SUPT3H: variants seen among roughly 807,000 people sequenced by gnomAD.
SUPT3H encodes the protein SPT3 homolog, SAGA and STAGA complex component.
A neutral mutation model predicts 44.3 loss-of-function variants in SUPT3H; 44 were observed. The observed-to-expected ratio is 0.99, with a 90% CI of 0.78 to 1.28. The LOEUF is 1.28. Among genes scored for constraint, SUPT3H ranks in the 50% most tolerant of loss-of-function variants. The pLI, the probability that SUPT3H is intolerant of heterozygous loss-of-function variation, is 0.00. For missense variants in SUPT3H, 380 were observed against 387.1 expected, an observed-to-expected ratio of 0.98 and a Z score of 0.15; for synonymous variants, 124 against 125.6, an observed-to-expected ratio of 0.99 and a Z score of 0.09.
At chr6:45,009,294 T>C (rs543877238) in intron 5 of SUPT3H, among the ~76,000 whole-genome samples, 8 of 152,326 alleles carry the variant, frequency 5.3e-5, no homozygotes, top group Non-Finnish European at 1.5e-5. Context: ...TTATTAGTCA[T>C]TGTTTTGACT....
intron 2 of SUPT3H, among the ~76,000 whole-genome samples, chr6:45,301,788 G>C (rs977934088): frequency 6.6e-6 from 1 of 152,158 alleles, no homozygotes; most frequent in African/African-American, 2.4e-5. Context: ...GAATTAAGCT[G>C]TACTTTGTTT....
rs1481259660 is a variant in SUPT3H, at chr6:45,258,702, TATGGAAAACTAAGCCTTCACTATAGGAGC to T, written c.101+106470_101+106498del. On this transcript the variant is annotated intron_variant, in intron 2 of 10. Coordinates refer to ENST00000371459, the MANE Select transcript of SUPT3H (RefSeq NM_003599.4). ...AATTTGCACTAGGTTGAAATCTGTC[TATGGAAAACTAAGCCTTCACTATAGGAGC>T]AAAGCATTAAGTAAAAAAATTTATT... Among the ~76,000 whole-genome samples the T allele has an allele frequency of 2.0e-5, 3 of 152,288 alleles. No individual in the cohort carries two copies. In the East Asian group the frequency reaches 5.8e-4, roughly 29 times the overall value.
intron 10 of SUPT3H, among the ~76,000 whole-genome samples, chr6:44,895,772 C>T (rs1300621868): frequency 2.6e-5 from 4 of 151,754 alleles, no homozygotes; most frequent in Admixed American, 6.6e-5. Context: ...AACAAAGAGC[C>T]GATTTCAAAA....
intron 10 of SUPT3H, among the ~76,000 whole-genome samples, chr6:44,859,417 AAAT>A (rs771948845): frequency 2.6e-5 from 4 of 152,204 alleles, no homozygotes; most frequent in Non-Finnish European, 5.9e-5. Flanking sequence ...TATTTAGAGT[AAAT>A]AATGTCTAAG....
At chr6:45,249,451 CAAA>C (rs563551913) in intron 2 of SUPT3H, among the ~76,000 whole-genome samples, 1 of 136,384 alleles carries the variant, frequency 7.3e-6, no homozygotes, top group Admixed American at 7.3e-5. Context: ...AACAGACACA[CAAA>C]AAAAAAAAGG....
chr6:44,867,077 T>C (rs767504905), intron 10 of SUPT3H, among the ~76,000 whole-genome samples: 6 of 152,196 alleles, frequency 3.9e-5, no homozygotes, highest in Admixed American at 6.5e-5. Context: ...ACAGCCACTA[T>C]GATTACTGAA....
chr6:44,958,876 T>G (rs1425275475), intron 7 of SUPT3H, among the ~76,000 whole-genome samples: 1 of 142,100 alleles, frequency 7.0e-6, no homozygotes, highest in African/African-American at 2.7e-5. Context: ...TCAATGGTTT[T>G]TTTTTTTTTT....
At chr6:44,941,344 A>C (rs1234562080) in intron 9 of SUPT3H, among the ~76,000 whole-genome samples, 1 of 152,082 alleles carries the variant, frequency 6.6e-6, no homozygotes, top group Non-Finnish European at 1.5e-5. Flanking sequence ...GAAGTCCCTC[A>C]GTGTTTGCTT....
chr6:45,158,497 C>T (rs1005526768), intron 2 of SUPT3H, among the ~76,000 whole-genome samples: 1 of 151,376 alleles, frequency 6.6e-6, no homozygotes, highest in African/African-American at 2.4e-5. Flanking sequence ...TTCACAGCCA[C>T]GTTCTAAGTT....
At chr6:45,323,807 G>C (rs556317527) in intron 2 of SUPT3H, among the ~76,000 whole-genome samples, 1 of 152,120 alleles carries the variant, frequency 6.6e-6, no homozygotes, top group African/African-American at 2.4e-5. Flanking sequence ...CTACAGCCAT[G>C]TTCCATAGCA....
chr6:45,043,172 C>CA (rs1788844647), intron 3 of SUPT3H, among the ~76,000 whole-genome samples: 2 of 144,856 alleles, frequency 1.4e-5, no homozygotes, highest in Non-Finnish European at 3.1e-5. Context: ...CACACACACG[C>CA]ACACACACAA....
At chr6:45,003,057 A>G (rs1782214793) in intron 6 of SUPT3H, among the ~76,000 whole-genome samples, 1 of 152,168 alleles carries the variant, frequency 6.6e-6, no homozygotes, top group African/African-American at 2.4e-5. Flanking sequence ...TTTAGTGTTT[A>G]AAGAAATAAT....
At chr6:45,121,519 G>C (rs1056016888) in intron 2 of SUPT3H, among the ~76,000 whole-genome samples, 1 of 60,256 alleles carries the variant, frequency 1.7e-5, no homozygotes, top group Admixed American at 1.6e-4. Flanking sequence ...GAAATTATGT[G>C]GGGGGGGGGG....
chr6:45,277,965 T>C (rs1354419173), intron 2 of SUPT3H, among the ~76,000 whole-genome samples: 1 of 152,240 alleles, frequency 6.6e-6, no homozygotes, highest in Non-Finnish European at 1.5e-5. Context: ...GATGTGTTCA[T>C]GTCCTTTGCA....
intron 2 of SUPT3H, among the ~76,000 whole-genome samples, chr6:45,236,144 T>C (rs1406852164): frequency 6.7e-6 from 1 of 148,220 alleles, no homozygotes; most frequent in Non-Finnish European, 1.5e-5. Context: ...TGAGTCCCGA[T>C]TTCCCACTCC....
chr6:45,121,518 T>G (rs200568378), intron 2 of SUPT3H, among the ~76,000 whole-genome samples: 16 of 142,558 alleles, frequency 1.1e-4, no homozygotes, highest in South Asian at 2.3e-4. Context: ...TGAAATTATG[T>G]GGGGGGGGGG....
chr6:45,109,714 A>G (rs1410369351), intron 2 of SUPT3H, among the ~76,000 whole-genome samples: 2 of 152,214 alleles, frequency 1.3e-5, no homozygotes, highest in African/African-American at 4.8e-5. Flanking sequence ...CGTTTTTGGA[A>G]AACAGAAATG....
At chr6:44,898,101 T>A (rs2153446580) in intron 10 of SUPT3H, among the ~76,000 whole-genome samples, 1 of 152,338 alleles carries the variant, frequency 6.6e-6, no homozygotes, top group Non-Finnish European at 1.5e-5. Flanking sequence ...GACTAAGAAT[T>A]TGCATCTTAT....
chr6:45,252,429 C>T (rs186670478), intron 2 of SUPT3H, among the ~76,000 whole-genome samples: 1 of 152,180 alleles, frequency 6.6e-6, no homozygotes, highest in African/African-American at 2.4e-5. Context: ...AACACAGATT[C>T]AGGGAAAATA....
Sources: gnomAD v4.1 joint callset for allele counts (sites outside exome capture counted in the v4.1 genomes callset) on GRCh38, gnomAD v4.1.1 for gene constraint, MANE v1.5 for transcripts, NCBI Gene and HGNC (gene_info 2026-07-23, HGNC 2026-07-21) for gene names.